UBR3: variants seen among roughly 807,000 people sequenced by gnomAD.
The protein encoded by UBR3 is E3 ubiquitin-protein ligase UBR3.
In UBR3, 85 loss-of-function variants were observed where a neutral mutation model predicts 243.2. That is an observed-to-expected ratio of 0.35 (90% CI 0.29 to 0.42). The LOEUF (loss-of-function observed/expected upper bound fraction) is 0.42, where lower values mean the gene tolerates loss of function less well. Ranked by LOEUF, UBR3 falls within the 10% of genes least tolerant of loss-of-function variation. UBR3 has a pLI of 1.00. For synonymous variants in UBR3, 748 were observed against 799.8 expected (o/e 0.94, Z 1.09); for missense variants, 1,686 against 2,300.8 (o/e 0.73, Z 5.47).
rs1559053859 is a variant in UBR3, at chr2:169,881,955, T to TACATATA, written c.1038+3382_1038+3383insCATATAA. Among the ~76,000 whole-genome samples, 47 of 101,054 alleles carry TACATATA rather than the reference T, an allele frequency of 4.7e-4. No homozygotes were observed. The South Asian group carries it at 8.4e-3, about 18-fold the overall frequency. 66.3% of individuals were successfully genotyped at this position (101,054 alleles called of 152,430 possible). A position where few individuals can be genotyped will look rare whatever the true frequency, so the allele number is the denominator to read the frequency against. ...CATATAATATAATTACATATGTATGTATACATACATATGTAATTATATTAT... is the reference window on the plus strand; with the variant it reads ...CATATAATATAATTACATATGTATGTACATATAATACATACATATGTAATTATATTAT... On this transcript the variant is annotated intron_variant, in intron 5 of 38. Transcript: ENST00000272793.
At chr2:169,936,289 C>A (rs1378162997) in intron 19 of UBR3, among the ~76,000 whole-genome samples, 1 of 152,060 alleles carries the variant, frequency 6.6e-6, no homozygotes, top group Non-Finnish European at 1.5e-5. Flanking sequence ...GAACTCCCGA[C>A]CTCAGGTGAT....
At chr2:169,995,763 A>C (rs754742784) in intron 26 of UBR3, among the ~76,000 whole-genome samples, 1 of 152,176 alleles carries the variant, frequency 6.6e-6, no homozygotes, top group Non-Finnish European at 1.5e-5. Flanking sequence ...CAAACTTAGT[A>C]GTTTTTTTTC....
chr2:169,881,240 C>T (rs1361678112), intron 5 of UBR3, among the ~76,000 whole-genome samples: 1 of 151,158 alleles, frequency 6.6e-6, no homozygotes, highest in Non-Finnish European at 1.5e-5. Flanking sequence ...AGTGCAGTGG[C>T]ATGATCTTGG....
intron 25 of UBR3, among the ~76,000 whole-genome samples, chr2:169,990,673 T>C (rs1216028169): frequency 6.6e-6 from 1 of 151,452 alleles, no homozygotes; most frequent in African/African-American, 2.4e-5. Flanking sequence ...AAAGTGAAGA[T>C]GTTAATTCTA....
intron 31 of UBR3, among the ~76,000 whole-genome samples, chr2:170,034,634 A>G (rs1559205498): frequency 6.6e-6 from 1 of 152,042 alleles, no homozygotes; most frequent in African/African-American, 2.4e-5. Flanking sequence ...TGCTCTAAAC[A>G]TCTGTGTGCA....
Position 169,966,210 on chromosome 2 carries a change from G to A in UBR3, c.3634+7684G>A, listed in dbSNP as rs376696917. 7.4e-4 allele frequency among the ~76,000 whole-genome samples: 112 copies of A among 152,090 alleles called. 1 individual carries two copies. The South Asian group carries it at 0.022, about 30-fold the overall frequency. On this transcript the variant is annotated intron_variant, in intron 24 of 38. Transcript: ENST00000272793. ...ATTTTTACTAGCCATCTATGTGTAG[G>A]AGTCAAGGTGTTAGATTATAACCTT...
intron 19 of UBR3, 75 bp from the exon 20 acceptor site, chr2:169,942,418 G>A (rs2105356761): frequency 7.2e-7 from 1 of 1,389,090 alleles, no homozygotes; most frequent in Non-Finnish European, 9.5e-7. Flanking sequence ...AGAAATTGGT[G>A]TCTATAAATT....
At chr2:169,880,789 T>A (rs1405720940) in intron 5 of UBR3, among the ~76,000 whole-genome samples, 2 of 152,130 alleles carry the variant, frequency 1.3e-5, no homozygotes, top group African/African-American at 4.8e-5. Context: ...TAGGCCCCAG[T>A]GTCTGTTGTT....
intron 1 of UBR3, among the ~76,000 whole-genome samples, chr2:169,854,572 TAA>T (rs1039320270): frequency 1.3e-5 from 2 of 152,298 alleles, no homozygotes; most frequent in African/African-American, 2.4e-5. Context: ...TGATAAATCT[TAA>T]GTTTTTTTAA....
At chr2:169,894,689 CTGGGGTAGTGTTAA>C (rs2084513900) in intron 6 of UBR3, among the ~76,000 whole-genome samples, 1 of 152,092 alleles carries the variant, frequency 6.6e-6, no homozygotes, top group African/African-American at 2.4e-5. Context: ...AAGTATAAAG[CTGGGGTAGTGTTAA>C]TTGAAAAAAC....
At chr2:169,900,342 TG>T (rs1474126245) in intron 8 of UBR3, among the ~76,000 whole-genome samples, 1 of 152,218 alleles carries the variant, frequency 6.6e-6, no homozygotes, top group Non-Finnish European at 1.5e-5. Flanking sequence ...TTGATAGGAT[TG>T]TTTTTTTCTT....
In UBR3 at chr2:169,872,663, C is replaced by G. The variant is rs144521542; in HGVS notation, c.685+288C>G. 1.1e-4 allele frequency among the ~76,000 whole-genome samples: 17 copies of G among 152,072 alleles called. No homozygotes were observed. In the South Asian group the frequency reaches 3.3e-3, roughly 30 times the overall value. On this transcript the variant is annotated intron_variant, in intron 2 of 38. Coordinates refer to ENST00000272793, the MANE Select transcript of UBR3 (RefSeq NM_172070.4). ...GGAAGTAACCATTTTGTGGGGTTAA[C>G]GTGACTTTATTTGCAATATTATGAT...
chr2:169,973,436 A>G (rs1436884973), intron 24 of UBR3, among the ~76,000 whole-genome samples: 7 of 151,150 alleles, frequency 4.6e-5, no homozygotes, highest in Admixed American at 4.6e-4. Flanking sequence ...ATATGGAACC[A>G]AAAAAGAGCC....
chr2:169,917,129 C>T (rs576779229), intron 11 of UBR3, among the ~76,000 whole-genome samples: 2 of 152,288 alleles, frequency 1.3e-5, no homozygotes, highest in South Asian at 4.1e-4. Flanking sequence ...AGCTCTTAGC[C>T]TTCAACCTAG....
At chr2:169,927,624 T>C (rs2085959076) in intron 17 of UBR3, among the ~76,000 whole-genome samples, 1 of 151,936 alleles carries the variant, frequency 6.6e-6, no homozygotes, top group Non-Finnish European at 1.5e-5. Flanking sequence ...GGAACTCTTC[T>C]TAGACTTTAG....
intron 5 of UBR3, among the ~76,000 whole-genome samples, chr2:169,882,248 GTA>G (rs1419951029): frequency 7.7e-6 from 1 of 129,918 alleles, no homozygotes; most frequent in Non-Finnish European, 1.6e-5. Flanking sequence ...TATTGTATAT[GTA>G]TATATATTTA....
At position 170,017,168 on chromosome 2, in the gene UBR3, T is replaced by G. The variant is rs146484236; in HGVS notation, c.4453+1802T>G. ...GGGATCTCACTGCAAATATCTCATT[T>G]TTTTCATCTTCCAGTGCAACTTCAG... is the stretch of plus-strand genomic sequence containing the variant. On this transcript the variant is annotated intron_variant, in intron 30 of 38. Coordinates refer to ENST00000272793, the MANE Select transcript of UBR3 (RefSeq NM_172070.4). 6.6e-5 allele frequency among the ~76,000 whole-genome samples: 10 copies of G among 151,932 alleles called. No individual in the cohort carries two copies. The East Asian group carries it at 1.9e-3, about 29-fold the overall frequency.
At chr2:170,019,711 G>T (rs2090338339) in intron 30 of UBR3, among the ~76,000 whole-genome samples, 1 of 152,024 alleles carries the variant, frequency 6.6e-6, no homozygotes, top group African/African-American at 2.4e-5. Flanking sequence ...AAATTATTTT[G>T]ACATTAATTT....
rs989226727 is a variant in UBR3, at chr2:169,877,174, C to G, written c.845-320C>G. Among the ~76,000 whole-genome samples the G allele has an allele frequency of 2.0e-5, 3 of 152,302 alleles. No individual in the cohort carries two copies. The East Asian group carries it at 5.8e-4, about 29-fold the overall frequency. Reference sequence around the variant, plus strand: ...ATTATCTACCATATTACCTCTCTGACTTTCTTTACTGTAATTTTCAGGTTC... The same window carrying G: ...ATTATCTACCATATTACCTCTCTGAGTTTCTTTACTGTAATTTTCAGGTTC... On this transcript the variant is annotated intron_variant, in intron 3 of 38. Transcript: ENST00000272793.
Sources: gnomAD v4.1 joint callset for allele counts (sites outside exome capture counted in the v4.1 genomes callset) on GRCh38, gnomAD v4.1.1 for gene constraint, MANE v1.5 for transcripts, NCBI Gene and HGNC (gene_info 2026-07-23, HGNC 2026-07-21) for gene names.